NLGN1: variants seen among roughly 807,000 people sequenced by gnomAD.
NLGN1 encodes neuroligin 1, also known as neuroligin-1.
In NLGN1, 12 loss-of-function variants were observed where a neutral mutation model predicts 65.5. The observed-to-expected ratio is 0.18, with a 90% CI of 0.12 to 0.30. The LOEUF (loss-of-function observed/expected upper bound fraction) is 0.30, where lower values mean the gene tolerates loss of function less well. NLGN1 is among the 10% of genes least tolerant of loss of function. The pLI, the probability that NLGN1 is intolerant of heterozygous loss-of-function variation, is 1.00. For synonymous variants in NLGN1, 350 were observed against 359.5 expected, an observed-to-expected ratio of 0.97 and a Z score of 0.30; for missense variants, 750 against 1,007.1, an observed-to-expected ratio of 0.74 and a Z score of 3.46.
chr3:173,405,853 T>C (rs183093790), intron 1 of NLGN1, among the ~76,000 whole-genome samples: 85 of 152,254 alleles, frequency 5.6e-4, no homozygotes, highest in African/African-American at 1.9e-3. Flanking sequence ...AATGTATGTT[T>C]AGGCTAATTA....
At chr3:173,456,465 A>G (rs1722529593) in intron 2 of NLGN1, among the ~76,000 whole-genome samples, 3 of 152,190 alleles carry the variant, frequency 2.0e-5, no homozygotes, top group Admixed American at 1.3e-4. Context: ...TAGTAAAGTT[A>G]GCCTTGTCAG....
At chr3:173,532,144 C>G (rs958010508) in intron 2 of NLGN1, among the ~76,000 whole-genome samples, 6 of 152,148 alleles carry the variant, frequency 3.9e-5, no homozygotes, top group Non-Finnish European at 7.4e-5. Flanking sequence ...AGAGCTTTTA[C>G]TCTGTTCTTG....
intron 2 of NLGN1, among the ~76,000 whole-genome samples, chr3:173,449,413 C>G (rs1299714351): frequency 1.3e-5 from 2 of 152,098 alleles, no homozygotes; most frequent in South Asian, 4.1e-4. Context: ...TTTGATTGCA[C>G]TGTGGTCTGA....
intron 4 of NLGN1, among the ~76,000 whole-genome samples, chr3:173,827,463 G>A (rs1285861379): frequency 6.6e-6 from 1 of 151,856 alleles, no homozygotes; most frequent in Non-Finnish European, 1.5e-5. Context: ...GAAGTGTGGA[G>A]GGTCAGTACA....
At chr3:173,874,888 TA>T (rs1232024984) in intron 4 of NLGN1, among the ~76,000 whole-genome samples, 1 of 152,164 alleles carries the variant, frequency 6.6e-6, no homozygotes, top group East Asian at 1.9e-4. Flanking sequence ...AATCTGACAT[TA>T]GGGGTAGAGA....
chr3:173,775,107 A>C (rs751947080), intron 3 of NLGN1, among the ~76,000 whole-genome samples: 74 of 152,240 alleles, frequency 4.9e-4, no homozygotes, highest in Non-Finnish European at 9.6e-4. Context: ...TTTCTCATCA[A>C]AATGCAAATT....
intron 3 of NLGN1, among the ~76,000 whole-genome samples, chr3:173,769,580 T>G (rs569309158): frequency 4.5e-4 from 68 of 152,338 alleles, no homozygotes; most frequent in African/African-American, 1.6e-3. Flanking sequence ...TCTAGGTGCT[T>G]ATCTCTTTGA....
chr3:173,769,608 C>T (rs1224464877), intron 3 of NLGN1, among the ~76,000 whole-genome samples: 1 of 152,172 alleles, frequency 6.6e-6, no homozygotes, highest in Non-Finnish European at 1.5e-5. Flanking sequence ...GTCTATGTCT[C>T]AAGAACCTTT....
intron 2 of NLGN1, among the ~76,000 whole-genome samples, chr3:173,497,997 C>T (rs2149041752): frequency 6.6e-6 from 1 of 151,804 alleles, no homozygotes; most frequent in Non-Finnish European, 1.5e-5. Context: ...AACATGCTTC[C>T]TCTCAAATTT....
chr3:173,618,384 A>T (rs1753467184), intron 3 of NLGN1, among the ~76,000 whole-genome samples: 5 of 152,004 alleles, frequency 3.3e-5, no homozygotes. Flanking sequence ...TTTTGTAGAG[A>T]TGCGGTCTCC....
chr3:174,089,997 CTT>C (rs1744191434), intron 4 of NLGN1, among the ~76,000 whole-genome samples: 1 of 151,388 alleles, frequency 6.6e-6, no homozygotes, highest in Admixed American at 6.6e-5. Context: ...CTCATTAACT[CTT>C]TATCAGCCAA....
At chr3:173,644,800 T>G (rs1560099369) in intron 3 of NLGN1, 1 of 153,150 alleles carries the variant, frequency 6.5e-6, no homozygotes, top group East Asian at 1.9e-4. Context: ...TTGCGCCTTC[T>G]GTGCAGCACA....
chr3:174,061,619 G>T (rs776759272), intron 4 of NLGN1, among the ~76,000 whole-genome samples: 73 of 152,032 alleles, frequency 4.8e-4, no homozygotes, highest in Non-Finnish European at 9.6e-4. Context: ...TGTCCTGGAG[G>T]TACAAGAATA....
chr3:174,234,982 C>T (rs1282908088), intron 4 of NLGN1, among the ~76,000 whole-genome samples: 2 of 99,248 alleles, frequency 2.0e-5, no homozygotes, highest in African/African-American at 1.2e-4. Context: ...ATAAAGGAAT[C>T]ACCTTTTTTT....
At chr3:173,946,506 C>T (rs989032111) in intron 4 of NLGN1, among the ~76,000 whole-genome samples, 1 of 152,012 alleles carries the variant, frequency 6.6e-6, no homozygotes, top group African/African-American at 2.4e-5. Flanking sequence ...TTTACTTAAC[C>T]CTCTATTAAT....
intron 4 of NLGN1, among the ~76,000 whole-genome samples, chr3:174,047,315 T>G (rs989376690): frequency 6.6e-6 from 1 of 152,050 alleles, no homozygotes; most frequent in African/African-American, 2.4e-5. Flanking sequence ...TATTGTACAG[T>G]AAACCCTAGG....
chr3:173,766,054 G>A (rs998953084), intron 3 of NLGN1, among the ~76,000 whole-genome samples: 6 of 151,246 alleles, frequency 4.0e-5, no homozygotes, highest in Non-Finnish European at 7.4e-5. Context: ...ACAGATGCAC[G>A]AAAACACCTA....
intron 3 of NLGN1, among the ~76,000 whole-genome samples, chr3:173,658,766 T>A (rs1209944411): frequency 6.6e-6 from 1 of 152,024 alleles, no homozygotes; most frequent in East Asian, 1.9e-4. Flanking sequence ...ATTCCAGTGC[T>A]AGAGTACTGC....
chr3:173,796,588 T>G (rs1302493291), intron 3 of NLGN1, among the ~76,000 whole-genome samples: 1 of 152,098 alleles, frequency 6.6e-6, no homozygotes, highest in African/African-American at 2.4e-5. Context: ...AGGTCTACTC[T>G]CCTATTAACT....
Sources: allele counts gnomAD v4.1 joint callset (sites outside exome capture counted in the v4.1 genomes callset), GRCh38; gene constraint gnomAD v4.1.1; transcripts MANE v1.5; gene names NCBI Gene and HGNC (gene_info 2026-07-23, HGNC 2026-07-21).